Variants in INSC observed in about 807,000 individuals in gnomAD.
INSC encodes INSC spindle orientation adaptor protein.
Under a neutral mutation model 58.6 loss-of-function variants are expected in INSC, and 67 were observed. The ratio of observed to expected loss-of-function variants is 1.14; its 90% CI spans 0.94 to 1.40. The LOEUF is 1.40. Among genes scored for constraint, INSC ranks in the 40% most tolerant of loss-of-function variants. The pLI, the probability that INSC is intolerant of heterozygous loss-of-function variation, is 0.00. For synonymous variants in INSC, 262 were observed against 276.1 expected (o/e 0.95, Z 0.51); for missense variants, 714 against 692.0 (o/e 1.03, Z -0.36).
At chr11:15,215,797 G>A (rs1216511583) in intron 7 of INSC, among the ~76,000 whole-genome samples, 1 of 152,174 alleles carries the variant, frequency 6.6e-6, no homozygotes, top group Non-Finnish European at 1.5e-5. Context: ...ACAGTGATGT[G>A]GCAATGGGGA....
chr11:15,140,090 C>T (rs1848332614), intron 1 of INSC, among the ~76,000 whole-genome samples: 1 of 152,160 alleles, frequency 6.6e-6, no homozygotes, highest in South Asian at 2.1e-4. Flanking sequence ...ACACAAGCTC[C>T]TTCGGGGGTG....
chr11:15,192,596 T>C (rs1318719697), intron 6 of INSC, among the ~76,000 whole-genome samples: 1 of 152,160 alleles, frequency 6.6e-6, no homozygotes, highest in Non-Finnish European at 1.5e-5. Flanking sequence ...GTTTGTTGAA[T>C]GAGAAAGTTA....
intron 2 of INSC, among the ~76,000 whole-genome samples, chr11:15,172,977 C>T (rs1347154504): frequency 1.3e-5 from 2 of 152,158 alleles, no homozygotes; most frequent in African/African-American, 4.8e-5. Context: ...AGCCCTAATA[C>T]ATTCTTGGGG....
the INSC span, among the ~76,000 whole-genome samples, chr11:15,264,667 A>T: frequency 6.7e-6 from 1 of 149,830 alleles, no homozygotes; most frequent in South Asian, 2.1e-4. Flanking sequence ...GTCTGACTGA[A>T]GGCACAGGAA....
intron 12 of INSC, among the ~76,000 whole-genome samples, chr11:15,243,858 G>A (rs1852454892): frequency 6.7e-6 from 1 of 149,420 alleles, no homozygotes; most frequent in Non-Finnish European, 1.5e-5. Flanking sequence ...TCCCCCTAAG[G>A]GCTCTCTCTT....
chr11:15,198,287 G>A (rs1850445016), intron 6 of INSC, among the ~76,000 whole-genome samples: 1 of 152,140 alleles, frequency 6.6e-6, no homozygotes, highest in Non-Finnish European at 1.5e-5. Context: ...TTAACCAGCA[G>A]CAAAGCCAGG....
upstream of INSC, chr11:15,114,826 G>T (rs1590317773): frequency 1.8e-6 from 1 of 546,928 alleles, no homozygotes; most frequent in Non-Finnish European, 2.3e-6. Flanking sequence ...TCCTTGGGAG[G>T]CTGCGACCGC....
chr11:15,116,480 T>A (rs564691319), intron 1 of INSC, among the ~76,000 whole-genome samples: 1 of 152,280 alleles, frequency 6.6e-6, no homozygotes, highest in South Asian at 2.1e-4. Flanking sequence ...CTGGACAGAA[T>A]CTTCTCCATG....
chr11:15,226,338 C>T (rs1329746447), intron 9 of INSC, among the ~76,000 whole-genome samples: 2 of 152,166 alleles, frequency 1.3e-5, no homozygotes, highest in Admixed American at 1.3e-4. Context: ...CATTCAGGGC[C>T]TCAGCTTCTA....
chr11:15,264,537 G>A, the INSC span, among the ~76,000 whole-genome samples: 4 of 149,038 alleles, frequency 2.7e-5, no homozygotes, highest in African/African-American at 9.9e-5. Flanking sequence ...AGATCCTGGA[G>A]GCCTCTCTCT....
chr11:15,154,615 T>C (rs1052402166), intron 2 of INSC, among the ~76,000 whole-genome samples: 4 of 152,094 alleles, frequency 2.6e-5, no homozygotes, highest in Non-Finnish European at 4.4e-5. Context: ...CACAGTGCAG[T>C]GGGGAGCATG....
intron 6 of INSC, 60 bp from the exon 7 acceptor site, chr11:15,200,764 T>C: frequency 6.2e-7 from 1 of 1,605,848 alleles, no homozygotes; most frequent in South Asian, 1.1e-5. Context: ...CACTTATTCT[T>C]GAGTTAGCCC....
chr11:15,210,628 G>C (rs1850988381), intron 7 of INSC, among the ~76,000 whole-genome samples: 1 of 151,610 alleles, frequency 6.6e-6, no homozygotes, highest in Non-Finnish European at 1.5e-5. Context: ...GGTGAGAGCA[G>C]AAAATAAATG....
At chr11:15,161,163 A>T (rs551896673) in intron 2 of INSC, among the ~76,000 whole-genome samples, 2 of 152,306 alleles carry the variant, frequency 1.3e-5, no homozygotes, top group South Asian at 4.1e-4. Context: ...AATGGATGTG[A>T]TAAAGTGTTG....
the INSC span, among the ~76,000 whole-genome samples, chr11:15,258,946 C>A: frequency 6.6e-6 from 1 of 152,128 alleles, no homozygotes; most frequent in South Asian, 2.1e-4. Context: ...AGGAAGGGAC[C>A]ATGTGGTAAC....
At chr11:15,143,430 G>A (rs10832367) in intron 1 of INSC, among the ~76,000 whole-genome samples, 56,651 of 151,862 alleles carry the variant, frequency 0.37, 11,294 homozygotes, top group East Asian at 0.6. Flanking sequence ...TGTTTGGCAG[G>A]GGGAGGCGTG....
chr11:15,112,458 A>G, upstream of INSC: 14 of 1,593,620 alleles, frequency 8.8e-6, no homozygotes, highest in Non-Finnish European at 1.2e-5. Context: ...CGCTGCAGCC[A>G]AGGCTGGAGC....
intron 1 of INSC, among the ~76,000 whole-genome samples, chr11:15,121,128 C>T (rs1847862174): frequency 6.6e-6 from 1 of 151,644 alleles, no homozygotes; most frequent in African/African-American, 2.4e-5. Flanking sequence ...CTCTTTAGCC[C>T]CTATATCGTT....
At chr11:15,149,074 G>A in intron 1 of INSC, 56 bp from the exon 2 acceptor site, 1 of 1,492,536 alleles carries the variant, frequency 6.7e-7, no homozygotes, top group East Asian at 2.5e-5. Flanking sequence ...GGGAGAGAAA[G>A]TGATTGTGCC....
Sources: gnomAD v4.1 joint callset for allele counts (sites outside exome capture counted in the v4.1 genomes callset) on GRCh38, gnomAD v4.1.1 for gene constraint, MANE v1.5 for transcripts, NCBI Gene and HGNC (gene_info 2026-07-23, HGNC 2026-07-21) for gene names.